Variants in CEP350 observed in about 807,000 individuals in gnomAD.
The protein encoded by CEP350 is centrosome-associated protein 350.
A neutral mutation model predicts 331.8 loss-of-function variants in CEP350; 126 were observed. That is an observed-to-expected ratio of 0.38 (90% CI 0.33 to 0.44). The LOEUF (loss-of-function observed/expected upper bound fraction) is 0.44, where lower values mean the gene tolerates loss of function less well. Ranked by LOEUF, CEP350 falls within the 20% of genes least tolerant of loss-of-function variation. The probability of loss-of-function intolerance (pLI) is 1.00; values close to 1 mark genes in which losing one functional copy is unlikely to be tolerated. For synonymous variants in CEP350, 1,200 were observed against 1,259.5 expected, an observed-to-expected ratio of 0.95 and a Z score of 1.00; for missense variants, 3,406 against 3,634.6, an observed-to-expected ratio of 0.94 and a Z score of 1.62.
rs1356957194 is a variant in CEP350 at position 180,041,229 on chromosome 1, C to A, written c.4202C>A (p.Thr1401Asn). 1.9e-6 allele frequency: 3 copies of A among 1,590,880 alleles called. No homozygotes were observed. Among genetic ancestry groups the A allele is most frequent in the African/African-American group, 1.3e-5 (1 of 74,496 alleles). ...ALESQRQLEETRNKAAQVHAE... is the reference protein window; with the variant it reads ...ALESQRQLEENRNKAAQVHAE... The stretch of plus-strand genomic sequence containing the variant: ...GAGAGTCAGAGACAATTAGAAGAAA[C>A]CCGAAACAAAGCAGCTCAGGTAACT... Residue 1401 changes from threonine to asparagine, a missense_variant, in exon 18 of 38, where the codon ACC (threonine) becomes AAC (asparagine). Around this residue, in one of 5 missense-constraint regions of CEP350, gnomAD observed 1,857 missense variants for 1,909.2 expected, o/e 0.97. Coordinates refer to ENST00000367607, the MANE Select transcript of CEP350 (RefSeq NM_014810.5).
At chr1:180,102,103 G>A (rs1014227916) in intron 37 of CEP350, among the ~76,000 whole-genome samples, 2 of 152,000 alleles carry the variant, frequency 1.3e-5, no homozygotes, top group Admixed American at 6.6e-5. Flanking sequence ...AAAGGAGGGC[G>A]GGCCTGCCAC....
chr1:180,072,405 G>A (rs1393774301), intron 27 of CEP350, among the ~76,000 whole-genome samples: 2 of 152,108 alleles, frequency 1.3e-5, no homozygotes, highest in African/African-American at 4.8e-5. Context: ...CATGCATTTA[G>A]CAGTTATACA....
chr1:180,107,664 G>A lies in CEP350; in HGVS notation c.9190-3333G>A, dbSNP rs114339741. On this transcript the variant is annotated intron_variant, in intron 37 of 37. Coordinates refer to ENST00000367607, the MANE Select transcript of CEP350 (RefSeq NM_014810.5). ...GCCTGGGTGACAGAGCGAGACTCCC[G>A]TCTCAAACAAGTGTAAATCCACCTA... Among the ~76,000 whole-genome samples the A allele has an allele frequency of 5.9e-3, 891 of 152,164 alleles. 5 individuals carry two copies. Among genetic ancestry groups the A allele is most frequent in the African/African-American group, 0.021 (866 of 41,520 alleles).
chr1:180,090,219 A>G (rs1660088022), intron 32 of CEP350, among the ~76,000 whole-genome samples: 5 of 152,166 alleles, frequency 3.3e-5, no homozygotes, highest in Admixed American at 3.3e-4. Flanking sequence ...TGACAAAGGC[A>G]AGGTCATCTA....
At chr1:180,105,079 C>T (rs1444939800) in intron 37 of CEP350, among the ~76,000 whole-genome samples, 1 of 151,918 alleles carries the variant, frequency 6.6e-6, no homozygotes, top group African/African-American at 2.4e-5. Context: ...AACCAAACTC[C>T]AGTCAAGGTT....
intron 1 of CEP350, among the ~76,000 whole-genome samples, chr1:179,965,949 C>T (rs1650984325): frequency 6.6e-6 from 1 of 152,058 alleles, no homozygotes; most frequent in Non-Finnish European, 1.5e-5. Context: ...TTTAACCTAG[C>T]TACTATTTCT....
At position 180,095,593 on chromosome 1, in the gene CEP350, G is replaced by A. The variant is rs369399702; in HGVS notation, c.8582G>A (p.Arg2861Gln). 1.0e-4 allele frequency: 162 copies of A among 1,613,898 alleles called. No homozygotes were observed. Among genetic ancestry groups the A allele is most frequent in the East Asian group, 9.1e-4 (41 of 44,882 alleles). Reference sequence around the variant, plus strand: ...AGACTTGCTGAACTTGAACTCAGCCGGGAGTTCCTGAGCGCGTTAGGAGAT... The same window carrying A: ...AGACTTGCTGAACTTGAACTCAGCCAGGAGTTCCTGAGCGCGTTAGGAGAT... The part of the protein sequence containing the change: ...AKRLAELELS[R>Q]EFLSALGDDQ... The change falls in exon 35 of 38, where the codon CGG becomes CAG. Residue 2861 changes from arginine to glutamine, a missense_variant. Physicochemically the swap from Arg to Gln is conservative, Grantham distance 43. This residue lies in a region of CEP350 where 1,415 missense variants were observed against 1,512.3 expected (regional missense o/e 0.94). Transcript: ENST00000367607.
chr1:180,089,940 G>T (rs1660072204), intron 32 of CEP350, among the ~76,000 whole-genome samples: 1 of 152,188 alleles, frequency 6.6e-6, no homozygotes, highest in Non-Finnish European at 1.5e-5. Context: ...TTGTAAAAAG[G>T]TAGGACGTGA....
At chr1:180,102,849 A>T (rs1422925754) in intron 37 of CEP350, among the ~76,000 whole-genome samples, 3 of 152,190 alleles carry the variant, frequency 2.0e-5, no homozygotes, top group Non-Finnish European at 4.4e-5. Context: ...AAGATATCTC[A>T]TTATAATTTT....
chr1:180,054,160 A>G (rs1657674566), intron 24 of CEP350, among the ~76,000 whole-genome samples: 1 of 152,154 alleles, frequency 6.6e-6, no homozygotes, highest in Non-Finnish European at 1.5e-5. Flanking sequence ...CTGTAATCTT[A>G]TGTTGTCATA....
intron 17 of CEP350, among the ~76,000 whole-genome samples, chr1:180,040,142 C>T (rs575784599): frequency 1.3e-5 from 2 of 152,030 alleles, no homozygotes; most frequent in African/African-American, 4.8e-5. Context: ...CTGCCCTCCC[C>T]CCGCCACTGC....
At chr1:179,989,482 C>CAA (rs59268913) in intron 3 of CEP350, among the ~76,000 whole-genome samples, 2,312 of 120,914 alleles carry the variant, frequency 0.019, 66 homozygotes, top group African/African-American at 0.068. Context: ...GACCCTGTCT[C>CAA]AAAAAAAAAA....
At chr1:180,003,676 A>G (rs1654019323) in intron 7 of CEP350, among the ~76,000 whole-genome samples, 1 of 152,200 alleles carries the variant, frequency 6.6e-6, no homozygotes, top group Admixed American at 6.5e-5. Context: ...ACCAAAAGAA[A>G]AATAAGTATT....
At chr1:179,991,707 G>GTGTGTATATATATA (rs1385981536) in intron 4 of CEP350, among the ~76,000 whole-genome samples, 58 of 96,966 alleles carry the variant, frequency 6.0e-4, no homozygotes, top group African/African-American at 1.9e-3. Context: ...GTGTGTGTGT[G>GTGTGTATATATATA]TATATATATA....
At chr1:180,062,172 C>T in intron 25 of CEP350, 48 bp from the exon 26 acceptor site, 2 of 1,450,570 alleles carry the variant, frequency 1.4e-6, no homozygotes, top group East Asian at 2.5e-5. Flanking sequence ...TTACTTTGGC[C>T]TTGTCTTCTC....
chr1:179,973,896 A>G (rs1651642137), intron 1 of CEP350, among the ~76,000 whole-genome samples: 1 of 150,980 alleles, frequency 6.6e-6, no homozygotes, highest in African/African-American at 2.4e-5. Context: ...TTTCTTTCTT[A>G]TGAGTGGTTT....
At chr1:180,028,173 A>C (rs1472368046) in intron 14 of CEP350, among the ~76,000 whole-genome samples, 1 of 152,208 alleles carries the variant, frequency 6.6e-6, no homozygotes, top group Non-Finnish European at 1.5e-5. Flanking sequence ...GTGAAACAAG[A>C]TTCTTTCCTG....
intron 31 of CEP350, chr1:180,084,427 C>T (rs933974702): frequency 3.1e-5 from 8 of 254,706 alleles, no homozygotes; most frequent in Admixed American, 1.6e-4. Flanking sequence ...TGCAGTGGCG[C>T]GATCTCTGCT....
intron 25 of CEP350, among the ~76,000 whole-genome samples, chr1:180,057,379 G>A (rs1368243414): frequency 6.6e-6 from 1 of 152,084 alleles, no homozygotes; most frequent in Non-Finnish European, 1.5e-5. Context: ...GGGATTACAG[G>A]CGTGAGCCAC....
Sources: allele counts gnomAD v4.1 joint callset (sites outside exome capture counted in the v4.1 genomes callset), GRCh38; gene constraint gnomAD v4.1.1; regional missense constraint gnomAD v4.1.1; transcripts MANE v1.5; gene names NCBI Gene and HGNC (gene_info 2026-07-23, HGNC 2026-07-21).